INVS: variants seen among roughly 807,000 people sequenced by gnomAD.
INVS encodes the protein inversin.
Under a neutral mutation model 108.8 loss-of-function variants are expected in INVS, and 86 were observed. That is an observed-to-expected ratio of 0.79 (90% CI 0.66 to 0.95). The LOEUF is 0.95. Ranked by LOEUF, INVS falls within the 40% of genes least tolerant of loss-of-function variation. The pLI, the probability that INVS is intolerant of heterozygous loss-of-function variation, is 0.00. For missense variants in INVS, 1,169 were observed against 1,297.4 expected, an observed-to-expected ratio of 0.90 and a Z score of 1.52; for synonymous variants, 455 against 473.5, an observed-to-expected ratio of 0.96 and a Z score of 0.51.
intron 2 of INVS, among the ~76,000 whole-genome samples, chr9:100,108,356 A>T (rs1294494799): frequency 6.6e-6 from 1 of 152,170 alleles, no homozygotes; most frequent in Non-Finnish European, 1.5e-5. Flanking sequence ...CTTATTAATT[A>T]CTGACTGAGG....
intron 2 of INVS, among the ~76,000 whole-genome samples, chr9:100,105,851 T>C (rs978769495): frequency 6.5e-5 from 3 of 46,232 alleles, no homozygotes; most frequent in Non-Finnish European, 1.4e-4. Flanking sequence ...AAAAATTCCC[T>C]TTTTTTTTTT....
At position 100,277,576 on chromosome 9, in the gene INVS, G is replaced by A. The variant is rs565230339; in HGVS notation, c.1784+4500G>A. On this transcript the variant is annotated intron_variant, in intron 12 of 16. Transcript: ENST00000262457. The stretch of plus-strand genomic sequence containing the variant: ...AGGAGCACATATGCATTTCGTGGGA[G>A]AGGATCTATAGATTTTTTTTTATCA... Among the ~76,000 whole-genome samples, 3 of 152,196 alleles carry A rather than the reference G, an allele frequency of 2.0e-5. No individual in the cohort carries two copies. In the East Asian group the frequency reaches 5.8e-4, roughly 29 times the overall value.
Position 100,300,881 on chromosome 9 carries a change from T to G in INVS, c.*207T>G. On this transcript the variant is annotated 3_prime_UTR_variant, in exon 17 of 17. Coordinates refer to ENST00000262457, the MANE Select transcript of INVS (RefSeq NM_014425.5). ...CATTGTTTTGTCAATCAACACAGCC[T>G]GCACTGAAAGGACCTGCATAGACTA... The G allele has an allele frequency of 3.3e-6, 2 of 605,170 alleles. No homozygotes were observed. The highest frequency in any genetic ancestry group is 1.9e-5 in the South Asian group (1 of 51,986). 37.5% of individuals were successfully genotyped at this position (605,170 alleles called of 1,614,324 possible).
intron 2 of INVS, among the ~76,000 whole-genome samples, chr9:100,113,558 TTTTGTTTG>T (rs77147493): frequency 2.6e-3 from 397 of 152,028 alleles, no homozygotes; most frequent in African/African-American, 6.8e-3. Flanking sequence ...CTGGTGTCTT[TTTTGTTTG>T]TTTGTTTGTT....
intron 10 of INVS, among the ~76,000 whole-genome samples, chr9:100,253,411 TTTTC>T (rs1289703973): frequency 1.8e-5 from 2 of 110,146 alleles, no homozygotes; most frequent in African/African-American, 6.6e-5. Flanking sequence ...AAATATATGA[TTTTC>T]TTTTTTTTTT....
intron 12 of INVS, among the ~76,000 whole-genome samples, chr9:100,280,477 T>A (rs1210676198): frequency 6.6e-6 from 1 of 152,102 alleles, no homozygotes; most frequent in East Asian, 1.9e-4. Context: ...CTAGCCAATT[T>A]CTCTTCACAT....
chr9:100,228,509 TC>T (rs1357263470), intron 4 of INVS, among the ~76,000 whole-genome samples: 1 of 152,194 alleles, frequency 6.6e-6, no homozygotes. Flanking sequence ...ATTCGAAACA[TC>T]CTGTCAAGTT....
intron 3 of INVS, among the ~76,000 whole-genome samples, chr9:100,187,347 T>C (rs1003867876): frequency 1.3e-5 from 2 of 152,086 alleles, no homozygotes; most frequent in African/African-American, 4.8e-5. Context: ...GACTCTTTTT[T>C]GGTTCTATAT....
At chr9:100,294,192 T>C (rs552214788) in intron 14 of INVS, among the ~76,000 whole-genome samples, 49 of 152,154 alleles carry the variant, frequency 3.2e-4, no homozygotes, top group Non-Finnish European at 6.3e-4. Context: ...GTGGAAGTTA[T>C]GTCGCCGCCA....
chr9:100,099,983 C>A (rs988472885), intron 1 of INVS, among the ~76,000 whole-genome samples: 4 of 152,186 alleles, frequency 2.6e-5, no homozygotes, highest in African/African-American at 9.7e-5. Flanking sequence ...TTAAATGTCA[C>A]CATCTCTGAG....
chr9:100,105,709 A>G (rs1827151626), intron 2 of INVS, among the ~76,000 whole-genome samples: 1 of 152,112 alleles, frequency 6.6e-6, no homozygotes, highest in Non-Finnish European at 1.5e-5. Context: ...ATGACAAACA[A>G]TAGTTTTCCA....
chr9:100,133,200 C>G (rs1159767182), intron 3 of INVS, among the ~76,000 whole-genome samples: 1 of 152,140 alleles, frequency 6.6e-6, no homozygotes, highest in African/African-American at 2.4e-5. Flanking sequence ...CTTATTTTTG[C>G]TTCAGAATTT....
At chr9:100,281,049 C>T (rs1833259189) in intron 12 of INVS, among the ~76,000 whole-genome samples, 1 of 152,170 alleles carries the variant, frequency 6.6e-6, no homozygotes, top group African/African-American at 2.4e-5. Context: ...AAAAAGAAAG[C>T]TCATTTTTAA....
chr9:100,144,644 C>T (rs774607659), intron 3 of INVS, among the ~76,000 whole-genome samples: 1 of 152,090 alleles, frequency 6.6e-6, no homozygotes, highest in Non-Finnish European at 1.5e-5. Flanking sequence ...GGGCTAGTCG[C>T]GGAACAAAAC....
intron 14 of INVS, 28 bp downstream of exon 14, chr9:100,293,071 G>A: frequency 6.4e-7 from 1 of 1,569,562 alleles, no homozygotes; most frequent in Middle Eastern, 2.1e-4. Context: ...TGCCGCATCT[G>A]TGGTTCTTTG....
chr9:100,209,566 C>G (rs917526985), intron 3 of INVS, among the ~76,000 whole-genome samples: 8 of 152,046 alleles, frequency 5.3e-5, no homozygotes, highest in South Asian at 2.1e-4. Flanking sequence ...GTCAGGAGAT[C>G]GAGACCATCC....
intron 3 of INVS, among the ~76,000 whole-genome samples, chr9:100,140,541 T>C (rs140403849): frequency 1.3e-5 from 2 of 152,218 alleles, no homozygotes; most frequent in East Asian, 3.9e-4. Context: ...GATGTGTACG[T>C]GTAGGTCACA....
At chr9:100,289,056 C>T (rs1833534792) in intron 13 of INVS, among the ~76,000 whole-genome samples, 1 of 152,156 alleles carries the variant, frequency 6.6e-6, no homozygotes, top group Non-Finnish European at 1.5e-5. Flanking sequence ...ATTTTGCTTA[C>T]AAACGGAGCA....
chr9:100,201,353 C>T (rs1830525064), intron 3 of INVS, among the ~76,000 whole-genome samples: 1 of 152,206 alleles, frequency 6.6e-6, no homozygotes, highest in Admixed American at 6.5e-5. Context: ...CAAATCTGTC[C>T]TCTAACCTGA....
Sources: allele counts gnomAD v4.1 joint callset (sites outside exome capture counted in the v4.1 genomes callset), GRCh38; gene constraint gnomAD v4.1.1; transcripts MANE v1.5; gene names NCBI Gene and HGNC (gene_info 2026-07-23, HGNC 2026-07-21).